RAB23: variants seen among roughly 807,000 people sequenced by gnomAD.
RAB23 encodes the protein RAB23, member RAS oncogene family.
Under a neutral mutation model 30.0 loss-of-function variants are expected in RAB23, and 15 were observed. The observed-to-expected ratio is 0.50, with a 90% CI of 0.33 to 0.77. The LOEUF (loss-of-function observed/expected upper bound fraction) is 0.77. RAB23 is among the 30% of genes least tolerant of loss of function. The pLI, the probability that RAB23 is intolerant of heterozygous loss-of-function variation, is 0.02. For synonymous variants in RAB23, 93 were observed against 94.0 expected (o/e 0.99, Z 0.06); for missense variants, 243 against 275.4 (o/e 0.88, Z 0.83).
At chr6:57,191,778 TTCACA>T (rs1439024152) in intron 6 of RAB23, among the ~76,000 whole-genome samples, 2 of 152,266 alleles carry the variant, frequency 1.3e-5, no homozygotes, top group Non-Finnish European at 2.9e-5. Context: ...ACTTACTAAC[TTCACA>T]TCATATCACT....
intron 3 of RAB23, among the ~76,000 whole-genome samples, chr6:57,202,401 G>T (rs992468418): frequency 3.3e-5 from 5 of 152,152 alleles, no homozygotes; most frequent in African/African-American, 1.2e-4. Context: ...AGCACAATGT[G>T]ATCCAAGTCA....
chr6:57,206,359 A>G (rs1005693813), intron 3 of RAB23, among the ~76,000 whole-genome samples: 9 of 152,202 alleles, frequency 5.9e-5, no homozygotes, highest in Non-Finnish European at 1.2e-4. Flanking sequence ...GCCACAAGCC[A>G]CCAGTAGTGG....
intron 3 of RAB23, among the ~76,000 whole-genome samples, chr6:57,198,203 G>T (rs558773430): frequency 6.6e-6 from 1 of 152,086 alleles, no homozygotes; most frequent in Non-Finnish European, 1.5e-5. Context: ...TTAGTATACC[G>T]ATAAATAAAC....
chr6:57,188,128 TTTC>T lies in RAB23; in HGVS notation c.*2330_*2332del, dbSNP rs1764681101. The T allele has an allele frequency of 1.3e-5, 2 of 152,184 alleles. No individual in the cohort carries two copies. The highest frequency in any genetic ancestry group is 4.8e-5 in the African/African-American group (2 of 41,456). The allele number at this position is 152,184 out of a possible 1,614,324, so 9.4% of individuals were successfully genotyped here. A position where few individuals can be genotyped will look rare whatever the true frequency, so the allele number is the denominator to read the frequency against. ...AATCACCTGGAATCTTGGAAAAGTT[TTTC>T]TTTAGTATACATGGTTTCATAAAAT... On this transcript the variant is annotated 3_prime_UTR_variant, in exon 7 of 7. Transcript: ENST00000468148.
In RAB23 at chr6:57,203,689, G is replaced by A. The variant is rs1007544906; in HGVS notation, c.241+3939C>T. 2.0e-5 allele frequency among the ~76,000 whole-genome samples: 3 copies of A among 152,252 alleles called. No homozygotes were observed. In the South Asian group the frequency reaches 6.2e-4, roughly 32 times the overall value. On this transcript the variant is annotated intron_variant, in intron 3 of 6. Transcript: ENST00000468148. ...GTTAATCAATACTGTCAAGGCTGAT[G>A]AAATTCATAATTTGATACAAATATC...
chr6:57,213,808 CCAA>C (rs1259700189), intron 1 of RAB23, among the ~76,000 whole-genome samples: 8 of 151,516 alleles, frequency 5.3e-5, no homozygotes, highest in Non-Finnish European at 1.0e-4. Context: ...AATATCACCA[CCAA>C]CAACAAAAAA....
intron 3 of RAB23, among the ~76,000 whole-genome samples, chr6:57,200,927 T>C (rs764616588): frequency 1.8e-4 from 27 of 152,172 alleles, no homozygotes; most frequent in Non-Finnish European, 3.7e-4. Context: ...GTAATGGGGC[T>C]CTGGACATGC....
In RAB23 at chr6:57,222,275, C is replaced by T. The variant is rs903496688; in HGVS notation, c.-615G>A. ...GGTGGGGCGCGGGAGTCTCGACTCC[C>T]CTCATCTGTGGACCCGCCGCGCTGC... On this transcript the variant is annotated 5_prime_UTR_variant, in exon 1 of 7. Transcript: ENST00000468148. 3 of 152,440 alleles carry T rather than the reference C, an allele frequency of 2.0e-5. No homozygotes were observed. Among genetic ancestry groups the T allele is most frequent in the African/African-American group, 7.2e-5 (3 of 41,444 alleles). 9.4% of individuals were successfully genotyped at this position (152,440 alleles called of 1,614,324 possible).
intron 3 of RAB23, among the ~76,000 whole-genome samples, chr6:57,204,645 G>C (rs1416030868): frequency 6.6e-6 from 1 of 151,946 alleles, no homozygotes; most frequent in Non-Finnish European, 1.5e-5. Flanking sequence ...TTTAAAAGCA[G>C]AAAACAAAAG....
At chr6:57,193,308 T>C (rs1764910264) in intron 6 of RAB23, among the ~76,000 whole-genome samples, 1 of 152,064 alleles carries the variant, frequency 6.6e-6, no homozygotes. Context: ...AATACAGATA[T>C]GAAGTCCTTA....
intron 1 of RAB23, among the ~76,000 whole-genome samples, chr6:57,216,648 A>G (rs1038375840): frequency 4.6e-5 from 7 of 152,012 alleles, no homozygotes; most frequent in African/African-American, 1.7e-4. Context: ...GGAATAAAAG[A>G]GTGGCTGCTC....
chr6:57,215,467 T>C (rs955837597), intron 1 of RAB23, among the ~76,000 whole-genome samples: 2 of 152,180 alleles, frequency 1.3e-5, no homozygotes, highest in Admixed American at 6.5e-5. Context: ...TCAGAAACCA[T>C]GGAGGCCAGA....
chr6:57,221,277 C>A (rs1004367597), intron 1 of RAB23: 5 of 152,188 alleles, frequency 3.3e-5, no homozygotes, highest in Non-Finnish European at 5.9e-5. Flanking sequence ...CCTTTTCAGA[C>A]CCTACTGCCA....
rs759408401 is a variant in RAB23, at chr6:57,210,258, G to A, written c.123C>T (p.Thr41=). Residue 41 remains threonine, a synonymous_variant, in exon 2 of 7, where the codon ACC becomes ACT. Coordinates refer to ENST00000468148, the MANE Select transcript of RAB23 (RefSeq NM_016277.5). The stretch of plus-strand genomic sequence containing the variant: ...GTCGCTCCAAAAAATCAACTCCAAT[G>A]GTTTTCTTGTAGTCTTTTGTAAAAA... The part of the protein sequence containing the change: ...KGIFTKDYKK[T]IGVDFLERQI... 119 of 1,613,862 alleles carry A rather than the reference G, an allele frequency of 7.4e-5. No homozygotes were observed. The highest frequency in any genetic ancestry group is 9.4e-5 in the Non-Finnish European group (111 of 1,179,916).
chr6:57,188,255 C>T lies in RAB23; in HGVS notation c.*2206G>A, dbSNP rs1764687730. The T allele has an allele frequency of 6.6e-6, 1 of 152,140 alleles. No individual in the cohort carries two copies. The highest frequency in any genetic ancestry group is 1.5e-5 in the Non-Finnish European group (1 of 67,988). The allele number at this position is 152,140 out of a possible 1,614,324, so 9.4% of individuals were successfully genotyped here. ...TTGAGAAATTAACATGGCTGACTTT[C>T]AGGCCTACTTAATTATTTTAAATGA... On this transcript the variant is annotated 3_prime_UTR_variant, in exon 7 of 7. Coordinates refer to ENST00000468148, the MANE Select transcript of RAB23 (RefSeq NM_016277.5).
rs368842740 is a variant in RAB23 at position 57,190,329 on chromosome 6, A to AT, written c.*131dup. ...ATTCTGAAAAGCACTGCAGAGCAATATTTAAGTCTGTCACTTTCAGAGAGC... is the reference window on the plus strand; with the variant it reads ...ATTCTGAAAAGCACTGCAGAGCAATATTTTAAGTCTGTCACTTTCAGAGAGC... On this transcript the variant is annotated 3_prime_UTR_variant, in exon 7 of 7. Coordinates refer to ENST00000468148, the MANE Select transcript of RAB23 (RefSeq NM_016277.5). The AT allele has an allele frequency of 4.6e-6, 5 of 1,089,910 alleles. No individual in the cohort carries two copies. The African/African-American group carries it at 7.8e-5, about 17-fold the overall frequency. 67.5% of individuals were successfully genotyped at this position (1,089,910 alleles called of 1,614,324 possible).
chr6:57,202,516 CA>C (rs1765306708), intron 3 of RAB23, among the ~76,000 whole-genome samples: 1 of 152,128 alleles, frequency 6.6e-6, no homozygotes, highest in African/African-American at 2.4e-5. Context: ...CCTCTCTCCC[CA>C]AGGATGTAAA....
chr6:57,212,705 T>A lies in RAB23; in HGVS notation c.-65-2260A>T, dbSNP rs1370348439. On this transcript the variant is annotated intron_variant, in intron 1 of 6. Coordinates refer to ENST00000468148, the MANE Select transcript of RAB23 (RefSeq NM_016277.5). ...AAGACCAGCCTGGGCACCATGTGAG[T>A]CCCTGTCTCTACCAAAAAAAAAAAA... 2.2e-5 allele frequency among the ~76,000 whole-genome samples: 3 copies of A among 139,146 alleles called. 1 individual carries two copies. The Admixed American group carries it at 2.2e-4, about 10-fold the overall frequency. 91.3% of individuals were successfully genotyped at this position (139,146 alleles called of 152,430 possible).
intron 1 of RAB23, among the ~76,000 whole-genome samples, chr6:57,214,986 AAAG>A (rs1765783516): frequency 6.6e-6 from 1 of 152,242 alleles, no homozygotes; most frequent in Non-Finnish European, 1.5e-5. Context: ...CAGAAGATAT[AAAG>A]AAGTACCAAA....
Sources: gnomAD v4.1 joint callset for allele counts (sites outside exome capture counted in the v4.1 genomes callset) on GRCh38, gnomAD v4.1.1 for gene constraint, MANE v1.5 for transcripts, NCBI Gene and HGNC (gene_info 2026-07-23, HGNC 2026-07-21) for gene names.